The following PTPRC variants were observed in gnomAD, a reference collection of about 807,000 sequenced individuals.
PTPRC encodes the protein protein tyrosine phosphatase receptor type C, also known as receptor-type tyrosine-protein phosphatase C.
In PTPRC, 44 loss-of-function variants were observed where a neutral mutation model predicts 155.9. The observed-to-expected ratio is 0.28, with a 90% CI of 0.22 to 0.36. PTPRC has a LOEUF of 0.36. Ranked by LOEUF, PTPRC falls within the 10% of genes least tolerant of loss-of-function variation. The pLI, the probability that PTPRC is intolerant of heterozygous loss-of-function variation, is 1.00. For synonymous variants in PTPRC, 525 were observed against 533.1 expected (o/e 0.98, Z 0.21); for missense variants, 1,401 against 1,564.6 (o/e 0.90, Z 1.76).
At position 198,706,743 on chromosome 1, in the gene PTPRC, A is replaced by T; in HGVS notation, c.695A>T (p.Tyr232Phe). The change falls in exon 9 of 33, where the codon TAT becomes TTT. Residue 232 changes from tyrosine to phenylalanine, a missense_variant. Physicochemically the swap from Tyr to Phe is conservative, Grantham distance 22. Around this residue, in one of 3 missense-constraint regions of PTPRC, gnomAD observed 867 missense variants for 970.4 expected, o/e 0.89. Transcript: ENST00000442510. ...TPSKPTCDEK[Y>F]ANITVDYLYN... ...TTCTATTTTCTTTTAGATGAAAAAT[A>T]TGCAAACATCACTGTGGATTACTTA... The T allele has an allele frequency of 6.2e-7, 1 of 1,608,956 alleles. No homozygotes were observed. Among genetic ancestry groups the T allele is most frequent in the Non-Finnish European group, 8.5e-7 (1 of 1,176,894 alleles).
chr1:198,703,616 T>A (rs1167849439), intron 7 of PTPRC: 1 of 629,604 alleles, frequency 1.6e-6, no homozygotes, highest in East Asian at 2.9e-5. Context: ...AACAACCACA[T>A]CTACTAGAAC....
chr1:198,753,823 C>T (rs1367687263), intron 31 of PTPRC, among the ~76,000 whole-genome samples: 1 of 151,868 alleles, frequency 6.6e-6, no homozygotes, highest in Admixed American at 6.6e-5. Context: ...ATTTGTGAAA[C>T]GTGGTAGAGA....
chr1:198,698,949 CG>C (rs1437946357), intron 4 of PTPRC, among the ~76,000 whole-genome samples: 1 of 151,938 alleles, frequency 6.6e-6, no homozygotes, highest in Non-Finnish European at 1.5e-5. Flanking sequence ...TGCAAGAGAC[CG>C]TGTATGTAAG....
At chr1:198,672,239 A>G (rs977354470) in intron 2 of PTPRC, among the ~76,000 whole-genome samples, 1 of 152,120 alleles carries the variant, frequency 6.6e-6, no homozygotes, top group Non-Finnish European at 1.5e-5. Context: ...TCTCTGGTTC[A>G]TATTTGATGA....
At chr1:198,700,020 A>G in intron 5 of PTPRC, 1 of 437,956 alleles carries the variant, frequency 2.3e-6, no homozygotes, top group Non-Finnish European at 4.2e-6. Flanking sequence ...GAAGTAAGAA[A>G]TAATATGCAT....
intron 26 of PTPRC, among the ~76,000 whole-genome samples, chr1:198,747,343 G>A (rs895421957): frequency 5.9e-5 from 9 of 151,682 alleles, no homozygotes; most frequent in Non-Finnish European, 1.3e-4. Flanking sequence ...TAGAAGTATT[G>A]AGGGACCCAG....
chr1:198,744,971 A>T (rs935328014), intron 26 of PTPRC, among the ~76,000 whole-genome samples: 27 of 151,736 alleles, frequency 1.8e-4, no homozygotes, highest in Admixed American at 7.2e-4. Context: ...CCCCCAGAAG[A>T]CCTGTACTTA....
intron 17 of PTPRC, 124 bp from the exon 18 acceptor site, chr1:198,731,493 A>G: frequency 4.1e-6 from 3 of 724,316 alleles, no homozygotes; most frequent in Non-Finnish European, 7.4e-6. Context: ...GAGATTTCTC[A>G]GATGAAATGT....
intron 3 of PTPRC, among the ~76,000 whole-genome samples, chr1:198,695,344 G>T (rs1571842746): frequency 7.1e-6 from 1 of 140,164 alleles, no homozygotes. Context: ...TTTTTGTTGT[G>T]TGATATAGTT....
At chr1:198,639,395 T>C in intron 2 of PTPRC, 54 bp downstream of exon 2, 1 of 1,361,722 alleles carries the variant, frequency 7.3e-7, no homozygotes, top group South Asian at 1.2e-5. Flanking sequence ...TTTGGAGGAA[T>C]GTTTGAAATA....
intron 2 of PTPRC, among the ~76,000 whole-genome samples, chr1:198,684,324 G>C (rs1665501078): frequency 6.6e-6 from 1 of 151,606 alleles, no homozygotes; most frequent in Non-Finnish European, 1.5e-5. Context: ...TGTTTGCAAA[G>C]TCATATGTAT....
rs1333928530 is a variant in PTPRC at position 198,718,241 on chromosome 1, C to T, written c.1598C>T (p.Ser533Leu). 27 of 1,613,892 alleles carry T rather than the reference C, an allele frequency of 1.7e-5. No homozygotes were observed. The highest frequency in any genetic ancestry group is 3.3e-4 in the Middle Eastern group (2 of 6,084). ...GGAAATACTCTGGTTAGAAATGAGT[C>T]GCATAAGAATTGCGATTTCCGTGTA... ...EAGNTLVRNE[S>L]HKNCDFRVKD... is the part of the protein sequence containing the mutation. Residue 533 changes from serine to leucine, a missense_variant, in exon 14 of 33, where the codon TCG (serine) becomes TTG (leucine). By Grantham distance (145) the Ser-to-Leu change is moderately radical. Transcript: ENST00000442510.
intron 25 of PTPRC, among the ~76,000 whole-genome samples, chr1:198,743,067 CAAAAAAA>C (rs10628640): frequency 1.3e-5 from 1 of 75,952 alleles, no homozygotes; most frequent in African/African-American, 5.1e-5. Context: ...GTCAAAATAG[CAAAAAAA>C]AAAAAAAAAA....
At position 198,728,345 on chromosome 1, in the gene PTPRC, T is replaced by C. The variant is rs1232880849; in HGVS notation, c.1726T>C (p.Ser576Pro). 6.2e-7 allele frequency: 1 copy of C among 1,611,816 alleles called. No homozygotes were observed. The change falls in exon 16 of 33, where the codon TCT (serine) becomes CCT (proline). Residue 576 changes from serine to proline, a missense_variant. Physicochemically the swap from Ser to Pro is moderately conservative, Grantham distance 74. This residue lies in a region of PTPRC where 867 missense variants were observed against 970.4 expected (regional missense o/e 0.89). Transcript: ENST00000442510. Reference sequence around the variant, plus strand: ...GTATTATTTTTCATTTCTAGATAATTCTAAGGCACTGATAGCATTTCTGGC... The same window carrying C: ...GTATTATTTTTCATTTCTAGATAATCCTAAGGCACTGATAGCATTTCTGGC... ...FILHHSTSYN[S>P]KALIAFLAFL...
At chr1:198,694,816 T>C (rs1666114607) in intron 3 of PTPRC, 1 of 958,750 alleles carries the variant, frequency 1.0e-6, no homozygotes, top group Non-Finnish European at 1.2e-6. Context: ...CCCTTTCTTT[T>C]ATTCAATGCA....
At chr1:198,696,982 C>T (rs1041684339) in intron 4 of PTPRC, 73 bp downstream of exon 4, 52 of 1,332,904 alleles carry the variant, frequency 3.9e-5, no homozygotes, top group African/African-American at 5.8e-5. Context: ...ATCAGTACAA[C>T]TTGTCTTTAA....
At chr1:198,749,366 A>C in intron 27 of PTPRC, 50 bp from the exon 28 acceptor site, 1 of 1,552,492 alleles carries the variant, frequency 6.4e-7, no homozygotes, top group Middle Eastern at 1.7e-4. Flanking sequence ...ACAATGAAGA[A>C]GAAATTTAAT....
At position 198,756,479 on chromosome 1, in the gene PTPRC, A is replaced by C. The variant is rs955310270; in HGVS notation, c.*298A>C. The C allele has an allele frequency of 1.4e-4, 36 of 257,542 alleles. No individual in the cohort carries two copies. The highest frequency in any genetic ancestry group is 8.1e-4 in the African/African-American group (36 of 44,432). The allele number at this position is 257,542 out of a possible 1,614,324, so 16.0% of individuals were successfully genotyped here. ...GGGTGTGTGTTTGTGTGAGAGACAG[A>C]GAAAGAGAGAGAATTCTTTCAAGTG... On this transcript the variant is annotated 3_prime_UTR_variant, in exon 33 of 33. Transcript: ENST00000442510.
At position 198,748,185 on chromosome 1, in the gene PTPRC, C is replaced by T; in HGVS notation, c.2924C>T (p.Ser975Phe). Residue 975 changes from serine (S) to phenylalanine (F), a missense_variant, in exon 27 of 33, where the codon TCT becomes TTT. Around this residue, in one of 3 missense-constraint regions of PTPRC, gnomAD observed 400 missense variants for 389.5 expected, o/e 1.03. Coordinates refer to ENST00000442510, the MANE Select transcript of PTPRC (RefSeq NM_002838.5). ...QEENKSKNRN[S>F]NVIPYDYNRV... ...GAAAATAAAAGTAAAAACAGGAATT[C>T]TAATGTCATCCCATGTATGTAGTTT... 1 of 1,597,736 alleles carries T rather than the reference C, an allele frequency of 6.3e-7. No homozygotes were observed. The highest frequency in any genetic ancestry group is 8.5e-7 in the Non-Finnish European group (1 of 1,171,600).
Sources: allele counts gnomAD v4.1 joint callset (sites outside exome capture counted in the v4.1 genomes callset), GRCh38; gene constraint gnomAD v4.1.1; regional missense constraint gnomAD v4.1.1; transcripts MANE v1.5; gene names NCBI Gene and HGNC (gene_info 2026-07-23, HGNC 2026-07-21).